The following TSPEAR variants were observed in gnomAD, a reference collection of about 807,000 sequenced individuals.
The protein encoded by TSPEAR is thrombospondin type laminin G domain and EAR repeats.
In TSPEAR, 69 loss-of-function variants were observed where a neutral mutation model predicts 71.6. The ratio of observed to expected loss-of-function variants is 0.96; its 90% CI spans 0.79 to 1.18. The LOEUF (loss-of-function observed/expected upper bound fraction) is 1.18. Ranked by LOEUF, TSPEAR falls within the 50% of genes most tolerant of loss-of-function variation. The pLI, the probability that TSPEAR is intolerant of heterozygous loss-of-function variation, is 0.00. For synonymous variants in TSPEAR, 402 were observed against 387.2 expected, an observed-to-expected ratio of 1.04 and a Z score of -0.45; for missense variants, 971 against 894.9, an observed-to-expected ratio of 1.09 and a Z score of -1.09.
intron 1 of TSPEAR, among the ~76,000 whole-genome samples, chr21:44,644,158 T>C (rs1555939040): frequency 6.6e-6 from 1 of 152,128 alleles, no homozygotes. Flanking sequence ...GGTTTGATCA[T>C]TTGATTGTCC....
At position 44,613,686 on chromosome 21, in the gene TSPEAR, T is replaced by TGGAGTGGGTGGAG. The variant is rs1555931774; in HGVS notation, c.83-45682_83-45681insCTCCACCCACTCC. On this transcript the variant is annotated intron_variant, in intron 1 of 11. Coordinates refer to ENST00000323084, the MANE Select transcript of TSPEAR (RefSeq NM_144991.3). ...GGACTCGATGGGAACAAAAGCATCA[T>TGGAGTGGGTGGAG]GGACTGGGTGGAGGGACACACAGGA... Among the ~76,000 whole-genome samples the TGGAGTGGGTGGAG allele has an allele frequency of 9.5e-4, 145 of 152,056 alleles. 1 individual carries two copies. The highest frequency in any genetic ancestry group is 2.1e-3 in the South Asian group (10 of 4,814).
At chr21:44,624,066 G>C (rs587760459) in intron 1 of TSPEAR, among the ~76,000 whole-genome samples, 2 of 152,188 alleles carry the variant, frequency 1.3e-5, no homozygotes, top group South Asian at 4.1e-4. Context: ...CAACATAAGG[G>C]CATGCTTACT....
chr21:44,531,699 C>G (rs781935255), intron 3 of TSPEAR, among the ~76,000 whole-genome samples: 59 of 152,196 alleles, frequency 3.9e-4, no homozygotes, highest in Non-Finnish European at 6.2e-4. Context: ...GTCCTCCAGC[C>G]CACTCACCCT....
At chr21:44,613,898 C>T (rs1359064329) in intron 1 of TSPEAR, among the ~76,000 whole-genome samples, 1 of 152,108 alleles carries the variant, frequency 6.6e-6, no homozygotes, top group African/African-American at 2.4e-5. Context: ...CTCTCCCAGG[C>T]CAGGCCTGGC....
rs368239963 is a variant in TSPEAR, at chr21:44,525,529, C to T, written c.1336+124G>A. On this transcript the variant is annotated intron_variant, in intron 8 of 11. Coordinates refer to ENST00000323084, the MANE Select transcript of TSPEAR (RefSeq NM_144991.3). ...AGACAGTGAGGAACGGTCCAGAACG[C>T]ATGTTCACCCTGTGCTGCATGTGGC... The T allele has an allele frequency of 2.6e-5, 28 of 1,063,396 alleles. No individual in the cohort carries two copies. The African/African-American group carries it at 4.1e-4, about 16-fold the overall frequency. 65.9% of individuals were successfully genotyped at this position (1,063,396 alleles called of 1,614,324 possible). A position where few individuals can be genotyped will look rare whatever the true frequency, so the allele number is the denominator to read the frequency against.
intron 1 of TSPEAR, among the ~76,000 whole-genome samples, chr21:44,645,763 C>CTAAA (rs1984295057): frequency 6.6e-6 from 1 of 152,022 alleles, no homozygotes; most frequent in African/African-American, 2.4e-5. Context: ...CTAATCAGTC[C>CTAAA]AGAAACAGGA....
At chr21:44,682,707 C>T (rs74668429) in intron 1 of TSPEAR, among the ~76,000 whole-genome samples, 3,633 of 152,300 alleles carry the variant, frequency 0.024, 86 homozygotes, top group Non-Finnish European at 0.03. Flanking sequence ...AGGAGATAAA[C>T]TCCCATTTCC....
chr21:44,558,387 C>G (rs781876299), intron 2 of TSPEAR: 61 of 1,613,082 alleles, frequency 3.8e-5, no homozygotes, highest in Non-Finnish European at 5.0e-5. Flanking sequence ...GACGGGCACA[C>G]AGCAGACTGG....
At chr21:44,548,456 G>A (rs1174670023) in intron 2 of TSPEAR, among the ~76,000 whole-genome samples, 1 of 152,150 alleles carries the variant, frequency 6.6e-6, no homozygotes, top group African/African-American at 2.4e-5. Context: ...TGGGTGGGTG[G>A]ACGGCAGGTG....
chr21:44,507,906 C>A (rs1213594801), intron 10 of TSPEAR: 2 of 152,250 alleles, frequency 1.3e-5, no homozygotes, highest in Admixed American at 1.3e-4. Context: ...GGCAGGTCAC[C>A]CCGGAATCCC....
chr21:44,579,970 A>G (rs1569199026), intron 1 of TSPEAR: 1 of 1,613,944 alleles, frequency 6.2e-7, no homozygotes. Context: ...GCTGACAGCT[A>G]GACTGCTGGC....
At chr21:44,595,827 T>A (rs587666344) in intron 1 of TSPEAR, among the ~76,000 whole-genome samples, 20 of 152,362 alleles carry the variant, frequency 1.3e-4, no homozygotes, top group African/African-American at 3.8e-4. Context: ...AATTATGTCA[T>A]ACTCTACCCA....
At chr21:44,547,984 C>T (rs1555917911) in intron 2 of TSPEAR, among the ~76,000 whole-genome samples, 1 of 152,220 alleles carries the variant, frequency 6.6e-6, no homozygotes, top group East Asian at 1.9e-4. Flanking sequence ...TTCCTCAAAG[C>T]ATGTCATCTT....
intron 1 of TSPEAR, among the ~76,000 whole-genome samples, chr21:44,696,976 C>T (rs1987366717): frequency 6.6e-6 from 1 of 152,058 alleles, no homozygotes; most frequent in Non-Finnish European, 1.5e-5. Context: ...ATATAAGCTC[C>T]TAGCACCCAG....
intron 1 of TSPEAR, among the ~76,000 whole-genome samples, chr21:44,689,987 C>T (rs1277045891): frequency 6.6e-6 from 1 of 151,870 alleles, no homozygotes; most frequent in Non-Finnish European, 1.5e-5. Context: ...GGTGCCCACT[C>T]AGATTAAGGG....
Position 44,525,651 on chromosome 21 carries a change from A to T in TSPEAR, c.1336+2T>A, listed in dbSNP as rs141736535. ...CCGGTGTGAAGGCCACTCCTGCCCT[A>T]CCTTCCCGGTGGTTGGCCACCGCCA... On this transcript the variant is annotated splice_donor_variant, in intron 8 of 11. Coordinates refer to ENST00000323084, the MANE Select transcript of TSPEAR (RefSeq NM_144991.3). LOFTEE classifies it high-confidence loss of function. 268 of 1,612,072 alleles carry T rather than the reference A, an allele frequency of 1.7e-4. No homozygotes were observed. The highest frequency in any genetic ancestry group is 2.2e-4 in the Non-Finnish European group (259 of 1,179,172).
chr21:44,602,404 G>A (rs1555929067), intron 1 of TSPEAR, among the ~76,000 whole-genome samples: 1 of 152,224 alleles, frequency 6.6e-6, no homozygotes, highest in African/African-American at 2.4e-5. Flanking sequence ...CTGCTTTGGG[G>A]CCTCCCCAGA....
At chr21:44,637,582 G>A (rs368903210) in intron 1 of TSPEAR, 19 of 1,613,706 alleles carry the variant, frequency 1.2e-5, no homozygotes, top group East Asian at 2.2e-5. Context: ...GCTGCCAGAC[G>A]GCCTGTGAGC....
chr21:44,622,025 A>C lies in TSPEAR; in HGVS notation c.83-54020T>G, dbSNP rs116662156. 3.8e-3 allele frequency among the ~76,000 whole-genome samples: 585 copies of C among 152,294 alleles called. 3 individuals carry two copies. The highest frequency in any genetic ancestry group is 0.013 in the African/African-American group (552 of 41,560). On this transcript the variant is annotated intron_variant, in intron 1 of 11. Transcript: ENST00000323084. ...CTTTTCCAAAATGTTATATGCATGG[A>C]ACCCCATGGTGCTTAGTATTTTGCC...
Sources: allele counts gnomAD v4.1 joint callset (sites outside exome capture counted in the v4.1 genomes callset), GRCh38; gene constraint gnomAD v4.1.1; transcripts MANE v1.5; gene names NCBI Gene and HGNC (gene_info 2026-07-23, HGNC 2026-07-21).